Variants in RIMBP2 observed in about 807,000 individuals in gnomAD.
RIMBP2 encodes RIMS binding protein 2.
RIMBP2 carries 48 observed loss-of-function variants against 118.6 expected under a neutral mutation model. The ratio of observed to expected loss-of-function variants is 0.40; its 90% CI spans 0.32 to 0.51. The LOEUF is 0.51. RIMBP2 is among the 20% of genes least tolerant of loss of function. The probability of loss-of-function intolerance (pLI) is 0.41; values close to 1 mark genes in which losing one functional copy is unlikely to be tolerated. For synonymous variants in RIMBP2, 762 were observed against 742.9 expected (o/e 1.03, Z -0.42); for missense variants, 1,551 against 1,768.3 (o/e 0.88, Z 2.20).
At chr12:130,666,799 G>GA (rs2063934621) in intron 1 of RIMBP2, among the ~76,000 whole-genome samples, 1 of 92,674 alleles carries the variant, frequency 1.1e-5, no homozygotes, top group Admixed American at 1.2e-4. Context: ...GGGATGGAGG[G>GA]AGGAAGGGAG....
chr12:130,515,153 GGA>G (rs1256250495), intron 3 of RIMBP2, among the ~76,000 whole-genome samples: 1 of 152,096 alleles, frequency 6.6e-6, no homozygotes, highest in Non-Finnish European at 1.5e-5. Flanking sequence ...TGGGATTACA[GGA>G]GAGAGTCACT....
At chr12:130,470,505 G>A (rs2080913347) in intron 6 of RIMBP2, 188 bp downstream of exon 6, 5 of 393,658 alleles carry the variant, frequency 1.3e-5, no homozygotes, top group Non-Finnish European at 2.2e-5. Flanking sequence ...CTGTAAGAAC[G>A]GACCTGGTCC....
At chr12:130,471,698 G>A (rs1285703926) in intron 5 of RIMBP2, 3 of 152,558 alleles carry the variant, frequency 2.0e-5, no homozygotes, top group Non-Finnish European at 4.4e-5. Flanking sequence ...TCCCTTCTGT[G>A]AGCGCCATCC....
rs1011349296 is a variant in RIMBP2 at position 130,688,221 on chromosome 12, G to A, written c.-352+28001C>T. 9.2e-5 allele frequency among the ~76,000 whole-genome samples: 14 copies of A among 152,058 alleles called. No individual in the cohort carries two copies. The highest frequency in any genetic ancestry group is 3.2e-3 in the Middle Eastern group (1 of 316). On this transcript the variant is annotated intron_variant, in intron 1 of 22. Transcript: ENST00000690449. The surrounding 1 kb of genome is among the most constrained non-coding windows in gnomAD (Gnocchi z 4.7). ...AACAGTTGCGTGGTGGCTTCTCAGC[G>A]GCCTTGGTGGCATGGGCAACACGTG...
At chr12:130,485,015 T>C (rs2082358851) in intron 4 of RIMBP2, among the ~76,000 whole-genome samples, 1 of 152,214 alleles carries the variant, frequency 6.6e-6, no homozygotes, top group South Asian at 2.1e-4. Flanking sequence ...TTGGCATCTA[T>C]TAAGTTCTCT....
chr12:130,664,383 G>GCGCATGCACACACA (rs1555320817), intron 1 of RIMBP2, among the ~76,000 whole-genome samples: 5 of 132,326 alleles, frequency 3.8e-5, no homozygotes, highest in Non-Finnish European at 8.3e-5. Context: ...ATGCACGCAC[G>GCGCATGCACACACA]CGCATGCACA....
intron 1 of RIMBP2, among the ~76,000 whole-genome samples, chr12:130,653,897 G>A (rs2063325927): frequency 6.6e-6 from 1 of 152,242 alleles, no homozygotes; most frequent in African/African-American, 2.4e-5. Context: ...GCAGGGAGCA[G>A]TGTCCTGAAG....
chr12:130,440,898 G>C (rs564036105), intron 11 of RIMBP2, among the ~76,000 whole-genome samples: 1 of 152,210 alleles, frequency 6.6e-6, no homozygotes, highest in South Asian at 2.1e-4. Context: ...GGGGGTGCTG[G>C]CTGCCCAGTA....
chr12:130,629,840 G>C (rs1389442255), intron 1 of RIMBP2, among the ~76,000 whole-genome samples: 3 of 151,524 alleles, frequency 2.0e-5, no homozygotes, highest in Non-Finnish European at 4.4e-5. Flanking sequence ...AACCTGTCAA[G>C]ACTATGCTCC....
In RIMBP2 at chr12:130,617,336, C is replaced by G. The variant is rs1040922157; in HGVS notation, c.-217+10986G>C. On this transcript the variant is annotated intron_variant, in intron 2 of 22. Coordinates refer to ENST00000690449, the MANE Select transcript of RIMBP2 (RefSeq NM_001393629.1). This position sits in a 1 kb window ranked among gnomAD's most constrained non-coding sequence, Gnocchi z 4.6. ...TCATGCAAATGGCGTCATCCCTGCCCTTTGCCTCTCACTGACATTTCCTCT... is the reference window on the plus strand; with the variant it reads ...TCATGCAAATGGCGTCATCCCTGCCGTTTGCCTCTCACTGACATTTCCTCT... Among the ~76,000 whole-genome samples, 1 of 152,222 alleles carries G rather than the reference C, an allele frequency of 6.6e-6. No homozygotes were observed. The highest frequency in any genetic ancestry group is 1.5e-5 in the Non-Finnish European group (1 of 68,046).
Position 130,424,300 on chromosome 12 carries a change from G to A in RIMBP2, c.2971C>T (p.Pro991Ser). The A allele has an allele frequency of 1.6e-6, 2 of 1,231,602 alleles. No individual in the cohort carries two copies. Among genetic ancestry groups the A allele is most frequent in the Non-Finnish European group, 1.0e-6 (1 of 987,812 alleles). The allele number at this position is 1,231,602 out of a possible 1,614,324, so 76.3% of individuals were successfully genotyped here. Reference sequence around the variant, plus strand: ...CTGGGGGGCGGCCTCTCCGGGCCGGGCTGGGGGTCGTCGTTCCTGAGGAGG... The same window carrying A: ...CTGGGGGGCGGCCTCTCCGGGCCGGACTGGGGGTCGTCGTTCCTGAGGAGG... Reference protein sequence around the residue: ...GGLLRNDDPQPGPERPPPRKH... With the variant: ...GGLLRNDDPQSGPERPPPRKH... Residue 991 changes from proline to serine, a missense_variant, in exon 16 of 23, where the codon CCC becomes TCC. Coordinates refer to ENST00000690449, the MANE Select transcript of RIMBP2 (RefSeq NM_001393629.1). This position sits in a 1 kb window ranked among gnomAD's most constrained non-coding sequence, Gnocchi z 9.8.
intron 1 of RIMBP2, among the ~76,000 whole-genome samples, chr12:130,665,554 C>G (rs1051598511): frequency 6.6e-6 from 1 of 151,524 alleles, no homozygotes; most frequent in South Asian, 2.1e-4. Flanking sequence ...TCAAAACAAA[C>G]AAAAACACCC....
intron 7 of RIMBP2, among the ~76,000 whole-genome samples, chr12:130,453,276 C>A (rs2079147852): frequency 1.3e-5 from 2 of 152,324 alleles, no homozygotes; most frequent in Non-Finnish European, 2.9e-5. Flanking sequence ...GGTGCCTCCC[C>A]ATACAGGGCG....
In RIMBP2 at chr12:130,475,462, A is replaced by G. The variant is rs2081349191; in HGVS notation, c.102+3450T>C. Among the ~76,000 whole-genome samples, 1 of 152,062 alleles carries G rather than the reference A, an allele frequency of 6.6e-6. No individual in the cohort carries two copies. Among genetic ancestry groups the G allele is most frequent in the South Asian group, 2.1e-4 (1 of 4,818 alleles). The stretch of plus-strand genomic sequence containing the variant: ...TCCACCTGTATTTCAGGAAAAATAA[A>G]CTCCTGCCTCACATTGCACATCAAG... On this transcript the variant is annotated intron_variant, in intron 5 of 22. Transcript: ENST00000690449. The surrounding 1 kb of genome is among the most constrained non-coding windows in gnomAD (Gnocchi z 4.1).
intron 3 of RIMBP2, among the ~76,000 whole-genome samples, chr12:130,512,659 C>G (rs766649836): frequency 6.6e-6 from 1 of 152,168 alleles, no homozygotes; most frequent in Non-Finnish European, 1.5e-5. Flanking sequence ...CTAGAACAGT[C>G]TCCTGGATGT....
intron 20 of RIMBP2, among the ~76,000 whole-genome samples, chr12:130,407,286 C>T (rs2075267275): frequency 1.3e-5 from 2 of 152,166 alleles, no homozygotes; most frequent in Admixed American, 1.3e-4. Flanking sequence ...TTCAAGACAC[C>T]AGGCATCCCA....
chr12:130,713,726 C>A (rs538746998), intron 1 of RIMBP2, among the ~76,000 whole-genome samples: 1 of 152,342 alleles, frequency 6.6e-6, no homozygotes, highest in African/African-American at 2.4e-5. Context: ...TGCTCATTGC[C>A]GTGCCCTAGG....
intron 2 of RIMBP2, among the ~76,000 whole-genome samples, chr12:130,560,765 A>G (rs760436593): frequency 2.0e-5 from 3 of 152,102 alleles, no homozygotes; most frequent in Non-Finnish European, 2.9e-5. Flanking sequence ...TACCCAAAAT[A>G]TCTCATCGTG....
At chr12:130,605,652 T>C (rs1487884611) in intron 2 of RIMBP2, among the ~76,000 whole-genome samples, 2 of 152,178 alleles carry the variant, frequency 1.3e-5, no homozygotes, top group African/African-American at 4.8e-5. Context: ...TAGATGATGA[T>C]AGACAGGCAG....
Sources: gnomAD v4.1 joint callset for allele counts (sites outside exome capture counted in the v4.1 genomes callset) on GRCh38, gnomAD v4.1.1 for gene constraint, Gnocchi (gnomAD v3.1) non-coding constraint, MANE v1.5 for transcripts, NCBI Gene and HGNC (gene_info 2026-07-23, HGNC 2026-07-21) for gene names.